The following OPCML variants were observed in gnomAD, a reference collection of about 807,000 sequenced individuals.
The protein encoded by OPCML is opioid-binding protein/cell adhesion molecule.
OPCML carries 13 observed loss-of-function variants against 37.8 expected under a neutral mutation model. That is an observed-to-expected ratio of 0.34 (90% CI 0.22 to 0.55). The LOEUF (loss-of-function observed/expected upper bound fraction) is 0.55, where lower values mean the gene tolerates loss of function less well. OPCML is among the 20% of genes least tolerant of loss of function. The probability of loss-of-function intolerance (pLI) is 0.91; values close to 1 mark genes in which losing one functional copy is unlikely to be tolerated. For synonymous variants in OPCML, 176 were observed against 168.8 expected, an observed-to-expected ratio of 1.04 and a Z score of -0.33; for missense variants, 341 against 435.6, an observed-to-expected ratio of 0.78 and a Z score of 1.93.
chr11:132,712,057 C>T lies in OPCML; in HGVS notation c.147-54738G>A, dbSNP rs137964526. Among the ~76,000 whole-genome samples, 297 of 152,260 alleles carry T rather than the reference C, an allele frequency of 2.0e-3. 1 individual carries two copies. The highest frequency in any genetic ancestry group is 6.8e-3 in the African/African-American group (282 of 41,540). On this transcript the variant is annotated intron_variant, in intron 2 of 7. Coordinates refer to ENST00000524381, the MANE Select transcript of OPCML (RefSeq NM_001012393.5). ...TGTAAAGTGTCTACCTGTCATATTC[C>T]CTCACCCTCTAAAGCCCCTGTCCCA...
At chr11:132,633,036 A>C (rs1940252964) in intron 3 of OPCML, among the ~76,000 whole-genome samples, 1 of 151,836 alleles carries the variant, frequency 6.6e-6, no homozygotes, top group Non-Finnish European at 1.5e-5. Flanking sequence ...CCAGAATTAC[A>C]AGTGGACTGA....
chr11:132,920,995 C>T (rs1195973415), intron 2 of OPCML, among the ~76,000 whole-genome samples: 1 of 152,300 alleles, frequency 6.6e-6, no homozygotes, highest in Middle Eastern at 3.4e-3. Flanking sequence ...AGCTCCAGTG[C>T]TTCCCGCTGC....
chr11:133,051,248 T>C (rs1948126022), intron 1 of OPCML, among the ~76,000 whole-genome samples: 1 of 152,234 alleles, frequency 6.6e-6, no homozygotes, highest in Non-Finnish European at 1.5e-5. Flanking sequence ...TAAAATGCTT[T>C]AAATATATCA....
intron 1 of OPCML, chr11:133,420,357 T>C (rs1044928215): frequency 1.0e-6 from 1 of 985,370 alleles, no homozygotes; most frequent in Non-Finnish European, 1.2e-6. Flanking sequence ...TGTTGCTTTC[T>C]TTCTTTAGGT....
intron 1 of OPCML, among the ~76,000 whole-genome samples, chr11:133,278,198 A>G (rs115633825): frequency 0.012 from 1,865 of 152,260 alleles, 37 homozygotes; most frequent in African/African-American, 0.042. Context: ...CCCAAATGCC[A>G]CAACTACAGA....
chr11:133,140,785 G>A (rs575862234), intron 1 of OPCML, among the ~76,000 whole-genome samples: 57 of 142,948 alleles, frequency 4.0e-4, no homozygotes, highest in African/African-American at 1.3e-3. Flanking sequence ...AGAAGAAGAC[G>A]ACGAAGAAGA....
intron 1 of OPCML, among the ~76,000 whole-genome samples, chr11:133,214,874 C>T (rs761542631): frequency 4.6e-5 from 7 of 152,132 alleles, no homozygotes; most frequent in Admixed American, 6.5e-5. Flanking sequence ...TCACATTACA[C>T]TTACTTACGA....
intron 2 of OPCML, among the ~76,000 whole-genome samples, chr11:132,851,402 C>A (rs986147944): frequency 8.5e-5 from 13 of 152,150 alleles, no homozygotes; most frequent in African/African-American, 2.9e-4. Flanking sequence ...AACCCCAGGT[C>A]TAGAGAGGCA....
chr11:132,666,298 T>C lies in OPCML; in HGVS notation c.147-8979A>G, dbSNP rs142642723. On this transcript the variant is annotated intron_variant, in intron 2 of 7. Coordinates refer to ENST00000524381, the MANE Select transcript of OPCML (RefSeq NM_001012393.5). ...AAGGGAAAGGGGAGTTGGTATCACA[T>C]GGCAAGAGAGGGAGCAAGAAAGACA... 3.0e-4 allele frequency among the ~76,000 whole-genome samples: 45 copies of C among 152,206 alleles called. No individual in the cohort carries two copies. In the East Asian group the frequency reaches 7.7e-3, roughly 26 times the overall value.
chr11:132,517,561 C>T (rs2096282837), intron 4 of OPCML, among the ~76,000 whole-genome samples: 1 of 152,182 alleles, frequency 6.6e-6, no homozygotes, highest in African/African-American at 2.4e-5. Context: ...CAGCAAGAGT[C>T]ACTGTGGACC....
intron 2 of OPCML, among the ~76,000 whole-genome samples, chr11:132,663,143 C>T (rs1372550051): frequency 6.6e-6 from 1 of 152,184 alleles, no homozygotes. Flanking sequence ...GCTTACATCA[C>T]TGAATTTAAT....
intron 1 of OPCML, among the ~76,000 whole-genome samples, chr11:132,996,549 G>A (rs964719516): frequency 4.6e-5 from 7 of 150,640 alleles, no homozygotes; most frequent in African/African-American, 1.7e-4. Context: ...GATGCAGAAG[G>A]CAGAGGTTGC....
intron 1 of OPCML, among the ~76,000 whole-genome samples, chr11:133,522,136 C>T (rs76025994): frequency 0.022 from 3,344 of 152,188 alleles, 129 homozygotes; most frequent in African/African-American, 0.076. Context: ...ATAGTCATGC[C>T]GTACATGTAT....
chr11:132,560,007 A>ATT (rs1438943788), intron 3 of OPCML, among the ~76,000 whole-genome samples: 1 of 152,250 alleles, frequency 6.6e-6, no homozygotes, highest in African/African-American at 2.4e-5. Context: ...TGAGTAAAAA[A>ATT]TTTATGTGAA....
At chr11:132,589,048 T>C (rs1417962753) in intron 3 of OPCML, among the ~76,000 whole-genome samples, 1 of 152,238 alleles carries the variant, frequency 6.6e-6, no homozygotes, top group Non-Finnish European at 1.5e-5. Context: ...TTGGTTTGCA[T>C]TTGATACGCA....
At chr11:133,495,510 T>A (rs149175842) in intron 1 of OPCML, among the ~76,000 whole-genome samples, 6,979 of 152,278 alleles carry the variant, frequency 0.046, 253 homozygotes, top group South Asian at 0.11. Flanking sequence ...TTTAGTTTAC[T>A]TTCCCACCAG....
At chr11:133,207,276 G>A (rs1048900438) in intron 1 of OPCML, among the ~76,000 whole-genome samples, 1 of 152,056 alleles carries the variant, frequency 6.6e-6, no homozygotes, top group Non-Finnish European at 1.5e-5. Flanking sequence ...CTCCAGCCTG[G>A]GCGACAGAGT....
In OPCML at chr11:133,265,013, G is replaced by A. The variant is rs552883933; in HGVS notation, c.61+267251C>T. On this transcript the variant is annotated intron_variant, in intron 1 of 7. Coordinates refer to ENST00000524381, the MANE Select transcript of OPCML (RefSeq NM_001012393.5). ...TAAACTGCCAGGGTCCTACCGAGAG[G>A]CCTCGGGTCCTTGATGACTCGCTGC... Among the ~76,000 whole-genome samples the A allele has an allele frequency of 1.8e-4, 28 of 152,294 alleles. 1 individual carries two copies. Among genetic ancestry groups the A allele is most frequent in the African/African-American group, 6.7e-4 (28 of 41,556 alleles).
intron 1 of OPCML, among the ~76,000 whole-genome samples, chr11:133,519,844 C>T (rs144588459): frequency 7.7e-4 from 117 of 152,256 alleles, no homozygotes; most frequent in African/African-American, 2.7e-3. Flanking sequence ...TGTCTAATTG[C>T]CTTCTAAAGT....
Sources: gnomAD v4.1 joint callset for allele counts (sites outside exome capture counted in the v4.1 genomes callset) on GRCh38, gnomAD v4.1.1 for gene constraint, MANE v1.5 for transcripts, NCBI Gene and HGNC (gene_info 2026-07-23, HGNC 2026-07-21) for gene names.